The following CSNK2A2IP variants were observed in gnomAD, a reference collection of about 807,000 sequenced individuals.
CSNK2A2IP encodes the protein casein kinase II subunit alpha'-interacting protein.
the CSNK2A2IP span, among the ~76,000 whole-genome samples, chr3:88,351,087 C>A: frequency 6.6e-6 from 1 of 152,102 alleles, no homozygotes. Flanking sequence ...AGAAACGAGG[C>A]AAGGACTAAA....
the CSNK2A2IP span, among the ~76,000 whole-genome samples, chr3:88,393,935 AG>A: frequency 6.6e-6 from 1 of 152,168 alleles, no homozygotes; most frequent in Non-Finnish European, 1.5e-5. Context: ...CAGATGAGCA[AG>A]GGTAATGGTC....
the CSNK2A2IP span, among the ~76,000 whole-genome samples, chr3:88,414,063 T>A: frequency 6.6e-6 from 1 of 151,564 alleles, no homozygotes; most frequent in Non-Finnish European, 1.5e-5. Context: ...AATTTGCATT[T>A]TCTTTAGTAC....
chr3:88,390,328 T>C, the CSNK2A2IP span, among the ~76,000 whole-genome samples: 77 of 152,344 alleles, frequency 5.1e-4, no homozygotes, highest in Middle Eastern at 0.024. Context: ...CATCAGGTCA[T>C]GAGATTTTAA....
the CSNK2A2IP span, among the ~76,000 whole-genome samples, chr3:88,364,629 G>A: frequency 0.41 from 62,552 of 151,976 alleles, 14,800 homozygotes; most frequent in South Asian, 0.6. Context: ...ATTGTTGATT[G>A]ATGACTTGTA....
At chr3:88,378,709 C>A in the CSNK2A2IP span, among the ~76,000 whole-genome samples, 1 of 151,876 alleles carries the variant, frequency 6.6e-6, no homozygotes, top group Non-Finnish European at 1.5e-5. Context: ...GTAGCATACA[C>A]CTATCTTTTC....
At chr3:88,381,639 G>A in the CSNK2A2IP span, among the ~76,000 whole-genome samples, 1 of 152,142 alleles carries the variant, frequency 6.6e-6, no homozygotes, top group Non-Finnish European at 1.5e-5. Flanking sequence ...CTCCAAGCAT[G>A]GAGACCCACT....
At chr3:88,385,510 C>CT in the CSNK2A2IP span, among the ~76,000 whole-genome samples, 4,370 of 151,724 alleles carry the variant, frequency 0.029, 118 homozygotes, top group East Asian at 0.14. Context: ...TATGAAATAA[C>CT]TTTTTTTTTG....
the CSNK2A2IP span, among the ~76,000 whole-genome samples, chr3:88,352,654 C>G: frequency 6.6e-6 from 1 of 151,986 alleles, no homozygotes; most frequent in African/African-American, 2.4e-5. Flanking sequence ...TCACAGCTCA[C>G]TGCGGCCTCA....
the CSNK2A2IP span, among the ~76,000 whole-genome samples, chr3:88,420,448 A>G: frequency 6.6e-6 from 1 of 152,290 alleles, no homozygotes; most frequent in South Asian, 2.1e-4. Flanking sequence ...AAGTTAAAGC[A>G]TGGGGGATCT....
chr3:88,466,345 T>C, the CSNK2A2IP span: 1 of 1,231,722 alleles, frequency 8.1e-7, no homozygotes. Context: ...TATGCTTGAT[T>C]GTAACTTCCA....
At chr3:88,419,997 A>G in the CSNK2A2IP span, among the ~76,000 whole-genome samples, 1 of 152,174 alleles carries the variant, frequency 6.6e-6, no homozygotes, top group African/African-American at 2.4e-5. Flanking sequence ...TTCCCACCAC[A>G]TAGAATCACC....
At chr3:88,340,808 T>C in the CSNK2A2IP span, among the ~76,000 whole-genome samples, 1 of 151,972 alleles carries the variant, frequency 6.6e-6, no homozygotes, top group African/African-American at 2.4e-5. Context: ...ACATACTTAA[T>C]TGATAGTGTT....
chr3:88,445,004 G>T, the CSNK2A2IP span, among the ~76,000 whole-genome samples: 1 of 151,996 alleles, frequency 6.6e-6, no homozygotes, highest in Non-Finnish European at 1.5e-5. Context: ...TTGATCTTAT[G>T]ATAATTTGAT....
At chr3:88,438,160 T>C in the CSNK2A2IP span, among the ~76,000 whole-genome samples, 1 of 152,200 alleles carries the variant, frequency 6.6e-6, no homozygotes, top group African/African-American at 2.4e-5. Context: ...AATTTACTTA[T>C]TGTCAACTTC....
the CSNK2A2IP span, among the ~76,000 whole-genome samples, chr3:88,449,818 G>GACACACACACACAC: frequency 1.6e-5 from 1 of 61,790 alleles, no homozygotes; most frequent in African/African-American, 7.5e-5. Flanking sequence ...TTTTTATATC[G>GACACACACACACAC]AGACACACAC....
At chr3:88,408,590 C>T in the CSNK2A2IP span, among the ~76,000 whole-genome samples, 2 of 151,998 alleles carry the variant, frequency 1.3e-5, no homozygotes, top group Non-Finnish European at 2.9e-5. Flanking sequence ...GAAAGTAAAG[C>T]ATTCCATTTA....
the CSNK2A2IP span, among the ~76,000 whole-genome samples, chr3:88,452,303 A>G: frequency 6.6e-6 from 1 of 152,088 alleles, no homozygotes; most frequent in African/African-American, 2.4e-5. Flanking sequence ...TCCTGAAATT[A>G]AAAGCGAAAA....
chr3:88,350,052 C>A, the CSNK2A2IP span, among the ~76,000 whole-genome samples: 1 of 152,040 alleles, frequency 6.6e-6, no homozygotes, highest in African/African-American at 2.4e-5. Flanking sequence ...ATAAAATGAA[C>A]AATATGATTT....
At chr3:88,454,128 A>G in the CSNK2A2IP span, among the ~76,000 whole-genome samples, 2 of 152,018 alleles carry the variant, frequency 1.3e-5, no homozygotes, top group Non-Finnish European at 2.9e-5. Context: ...TAGTTATTCA[A>G]GAAGTTATTT....
Sources: gnomAD v4.1 joint callset for allele counts (sites outside exome capture counted in the v4.1 genomes callset) on GRCh38, gnomAD v4.1.1 for gene constraint, MANE v1.5 for transcripts, NCBI Gene and HGNC (gene_info 2026-07-23, HGNC 2026-07-21) for gene names.